ATG10: variants seen among roughly 807,000 people sequenced by gnomAD.
The protein encoded by ATG10 is ubiquitin-like-conjugating enzyme ATG10.
ATG10 carries 30 observed loss-of-function variants against 32.1 expected under a neutral mutation model. That is an observed-to-expected ratio of 0.94 (90% confidence interval 0.70 to 1.27). ATG10 has a LOEUF of 1.27. Among genes scored for constraint, ATG10 ranks in the 50% most tolerant of loss-of-function variants. The pLI is 0.00. For missense variants in ATG10, 233 were observed against 262.3 expected, an observed-to-expected ratio of 0.89 and a Z score of 0.77; for synonymous variants, 87 against 91.5, an observed-to-expected ratio of 0.95 and a Z score of 0.28.
At chr5:82,221,232 A>G (rs1361888802) in intron 5 of ATG10, among the ~76,000 whole-genome samples, 3 of 151,978 alleles carry the variant, frequency 2.0e-5, no homozygotes. Flanking sequence ...TCTCTTTAGC[A>G]TTCCCAGCTG....
chr5:82,093,197 A>G (rs1261756577), intron 3 of ATG10, among the ~76,000 whole-genome samples: 1 of 152,126 alleles, frequency 6.6e-6, no homozygotes, highest in Non-Finnish European at 1.5e-5. Flanking sequence ...AAACATATTT[A>G]TCTCTCTCCC....
At chr5:81,972,589 GAAGTGGGTAGT>G (rs1010396028) in intron 1 of ATG10, 1 of 152,214 alleles carries the variant, frequency 6.6e-6, no homozygotes, top group Non-Finnish European at 1.5e-5. Context: ...AAGCACCCTC[GAAGTGGGTAGT>G]AACTACTTTG....
At position 82,220,763 on chromosome 5, in the gene ATG10, T is replaced by TC. The variant is rs796616205; in HGVS notation, c.454-31799_454-31798insC. Among the ~76,000 whole-genome samples the TC allele has an allele frequency of 4.3e-3, 430 of 100,648 alleles. 1 individual carries two copies. The highest frequency in any genetic ancestry group is 0.017 in the African/African-American group (391 of 23,404). The allele number at this position is 100,648 out of a possible 152,430, so 66.0% of individuals were successfully genotyped here. A position where few individuals can be genotyped will look rare whatever the true frequency, so the allele number is the denominator to read the frequency against. ...TACTCCATCTCTCTCTTTCTCTCTC[T>TC]TTTTTTTTTTTTGTTAAAGATGGAA... On this transcript the variant is annotated intron_variant, in intron 5 of 7. Coordinates refer to ENST00000282185, the MANE Select transcript of ATG10 (RefSeq NM_031482.5).
chr5:81,975,808 A>C (rs1237414570), intron 1 of ATG10, among the ~76,000 whole-genome samples: 2 of 151,660 alleles, frequency 1.3e-5, no homozygotes, highest in African/African-American at 2.4e-5. Flanking sequence ...TGTAGCTTAG[A>C]GTTTTAAATT....
intron 3 of ATG10, among the ~76,000 whole-genome samples, chr5:82,122,818 T>G (rs1329339210): frequency 6.6e-6 from 1 of 152,010 alleles, no homozygotes; most frequent in African/African-American, 2.4e-5. Flanking sequence ...GATACCATCT[T>G]ACACCATACA....
intron 2 of ATG10, among the ~76,000 whole-genome samples, chr5:81,991,411 TAGACCTGTGAACCTTTACTAAAATC>T (rs1467586781): frequency 2.0e-5 from 3 of 152,210 alleles, no homozygotes; most frequent in African/African-American, 4.8e-5. Context: ...GACGTATCTA[TAGACCTGTGAACCTTTACTAAAATC>T]AAGAGTGAAC....
intron 5 of ATG10, among the ~76,000 whole-genome samples, chr5:82,237,500 T>G (rs1746611760): frequency 6.6e-6 from 1 of 151,940 alleles, no homozygotes; most frequent in Non-Finnish European, 1.5e-5. Flanking sequence ...AAAAATTAGC[T>G]GGACATGGTG....
chr5:82,057,928 A>G (rs996637368), intron 2 of ATG10, among the ~76,000 whole-genome samples: 1 of 152,188 alleles, frequency 6.6e-6, no homozygotes, highest in Non-Finnish European at 1.5e-5. Context: ...GATGTGAAAT[A>G]CAGGACAAAA....
At chr5:82,111,716 T>G (rs1765627876) in intron 3 of ATG10, among the ~76,000 whole-genome samples, 1 of 151,920 alleles carries the variant, frequency 6.6e-6, no homozygotes, top group Non-Finnish European at 1.5e-5. Context: ...ATGAAAACAC[T>G]GGTGATCCTC....
At position 82,254,925 on chromosome 5, in the gene ATG10, T is replaced by TGTGTGTGTGTGG. The variant is rs752223016; in HGVS notation, c.*865_*866insTGTGTGTGGGTG. On this transcript the variant is annotated 3_prime_UTR_variant, in exon 8 of 8. Transcript: ENST00000282185. ...GTGTGTGTGTGTGTGTGTGTGTATGTGTGGGTGTTTGTGTAGATAGTTGTA... is the reference window on the plus strand; with the variant it reads ...GTGTGTGTGTGTGTGTGTGTGTATGTGTGTGTGTGTGGGTGGGTGTTTGTGTAGATAGTTGTA... The TGTGTGTGTGTGG allele has an allele frequency of 1.8e-4, 27 of 152,006 alleles. No homozygotes were observed. The highest frequency in any genetic ancestry group is 3.2e-4 in the Non-Finnish European group (22 of 68,004). 9.4% of individuals were successfully genotyped at this position (152,006 alleles called of 1,614,324 possible). A position where few individuals can be genotyped will look rare whatever the true frequency, so the allele number is the denominator to read the frequency against.
intron 4 of ATG10, among the ~76,000 whole-genome samples, chr5:82,173,321 A>G (rs1009079341): frequency 2.0e-5 from 3 of 152,232 alleles, no homozygotes; most frequent in African/African-American, 4.8e-5. Context: ...ATTTTGAGTA[A>G]TATATAGATT....
At chr5:82,240,024 T>C (rs1746723700) in intron 5 of ATG10, among the ~76,000 whole-genome samples, 1 of 152,060 alleles carries the variant, frequency 6.6e-6, no homozygotes, top group African/African-American at 2.4e-5. Context: ...AAATAGCAAA[T>C]GCTGGCAAGG....
At chr5:82,125,419 G>C (rs1242905005) in intron 3 of ATG10, among the ~76,000 whole-genome samples, 2 of 151,372 alleles carry the variant, frequency 1.3e-5, no homozygotes, top group Non-Finnish European at 3.0e-5. Flanking sequence ...TATGGTTTTA[G>C]GTCTTTAATC....
intron 2 of ATG10, among the ~76,000 whole-genome samples, chr5:82,054,777 A>T (rs555482787): frequency 4.5e-4 from 68 of 152,250 alleles, no homozygotes; most frequent in African/African-American, 1.6e-3. Flanking sequence ...TGGAATCTGG[A>T]TCCTGTAAAG....
At chr5:81,983,855 A>G (rs937231707) in intron 1 of ATG10, among the ~76,000 whole-genome samples, 1 of 144,974 alleles carries the variant, frequency 6.9e-6, no homozygotes, top group Admixed American at 6.8e-5. Context: ...CGCTCCTCAC[A>G]TCCCAGACGG....
Position 82,058,497 on chromosome 5 carries a change from C to G in ATG10, c.111C>G (p.Asp37Glu). 1 of 1,609,950 alleles carries G rather than the reference C, an allele frequency of 6.2e-7. No homozygotes were observed. Among genetic ancestry groups the G allele is most frequent in the Non-Finnish European group, 8.5e-7 (1 of 1,176,792 alleles). ...TATTTTTTGGTGATGAAACACAGGA[C>G]TGTTCTGATGGCTACATGTGCAAAA... is the stretch of plus-strand genomic sequence containing the variant. The part of the protein sequence containing the change: ...GDSWEWRPSK[D>E]CSDGYMCKIH... Residue 37 changes from aspartate (D) to glutamate (E), a missense_variant and splice_region_variant, in exon 3 of 8, where the codon GAC becomes GAG. Coordinates refer to ENST00000282185, the MANE Select transcript of ATG10 (RefSeq NM_031482.5).
chr5:82,074,589 A>T (rs1764218529), intron 3 of ATG10, among the ~76,000 whole-genome samples: 2 of 152,110 alleles, frequency 1.3e-5, no homozygotes, highest in Non-Finnish European at 2.9e-5. Context: ...TTTGTTGGTT[A>T]TGTGGAAGGG....
chr5:82,053,838 A>G lies in ATG10; in HGVS notation c.109-4657A>G, dbSNP rs554949879. Among the ~76,000 whole-genome samples the G allele has an allele frequency of 1.8e-4, 28 of 152,322 alleles. No individual in the cohort carries two copies. The South Asian group carries it at 5.8e-3, about 32-fold the overall frequency. ...AAGTTACAAGACTACTGGCAGTTTC[A>G]GAGGGCCAGGTCAAGACTGGCCAAG... On this transcript the variant is annotated intron_variant, in intron 2 of 7. Transcript: ENST00000282185.
chr5:82,013,013 G>A (rs1290654910), intron 2 of ATG10, among the ~76,000 whole-genome samples: 1 of 150,062 alleles, frequency 6.7e-6, no homozygotes, highest in Non-Finnish European at 1.5e-5. Context: ...CCAGGCTGGA[G>A]TGCAGTGGCA....
Sources: gnomAD v4.1 joint callset for allele counts (sites outside exome capture counted in the v4.1 genomes callset) on GRCh38, gnomAD v4.1.1 for gene constraint, MANE v1.5 for transcripts, NCBI Gene and HGNC (gene_info 2026-07-23, HGNC 2026-07-21) for gene names.